Variants in TRMT11 observed in about 807,000 individuals in gnomAD.
TRMT11 encodes tRNA methyltransferase 11.
A neutral mutation model predicts 62.8 loss-of-function variants in TRMT11; 53 were observed. The ratio of observed to expected loss-of-function variants is 0.84; its 90% CI spans 0.68 to 1.06. The LOEUF is 1.06. TRMT11 is among the 50% of genes least tolerant of loss of function. TRMT11 has a pLI of 0.00. For synonymous variants in TRMT11, 188 were observed against 190.3 expected, an observed-to-expected ratio of 0.99 and a Z score of 0.10; for missense variants, 556 against 553.4, an observed-to-expected ratio of 1.00 and a Z score of -0.05.
At chr6:126,171,401 G>A (rs1035646086) in intron 21 of TRMT11, among the ~76,000 whole-genome samples, 4 of 151,980 alleles carry the variant, frequency 2.6e-5, no homozygotes, top group African/African-American at 4.8e-5. Context: ...CAGTGGGATG[G>A]TTTTATTTCA....
the TRMT11 span, among the ~76,000 whole-genome samples, chr6:126,237,466 G>T: frequency 1.3e-5 from 2 of 152,134 alleles, no homozygotes; most frequent in Non-Finnish European, 2.9e-5. Flanking sequence ...GATTGCTTAA[G>T]CTCAGGAGTT....
the TRMT11 span, among the ~76,000 whole-genome samples, chr6:126,220,536 A>G: frequency 2.6e-5 from 4 of 152,222 alleles, no homozygotes; most frequent in Non-Finnish European, 5.9e-5. Flanking sequence ...TGCTATATCC[A>G]GAGTTTCACG....
chr6:126,050,538 A>T (rs1010523408), intron 16 of TRMT11, among the ~76,000 whole-genome samples: 1 of 152,028 alleles, frequency 6.6e-6, no homozygotes, highest in African/African-American at 2.4e-5. Flanking sequence ...CCCTGTAATT[A>T]CAAAAATAAA....
chr6:125,991,011 C>T (rs1379964147), intron 1 of TRMT11, among the ~76,000 whole-genome samples: 1 of 151,948 alleles, frequency 6.6e-6, no homozygotes, highest in East Asian at 1.9e-4. Context: ...CTTTGGGAGG[C>T]TGAGGCGGGC....
At chr6:126,108,058 C>T (rs1777484225) in intron 17 of TRMT11, among the ~76,000 whole-genome samples, 1 of 152,156 alleles carries the variant, frequency 6.6e-6, no homozygotes, top group Admixed American at 6.5e-5. Context: ...GAAAGTAACA[C>T]ATGTTTTTGT....
chr6:126,041,770 A>G (rs1272601193), downstream of TRMT11, among the ~76,000 whole-genome samples: 1 of 152,152 alleles, frequency 6.6e-6, no homozygotes, highest in African/African-American at 2.4e-5. Context: ...GCAATTGATG[A>G]CCTTATTGTT....
At chr6:126,267,262 A>G in the TRMT11 span, among the ~76,000 whole-genome samples, 2 of 152,176 alleles carry the variant, frequency 1.3e-5, no homozygotes, top group Non-Finnish European at 2.9e-5. Flanking sequence ...AAATGATTTA[A>G]TGTACATGTG....
At chr6:126,235,509 A>C in the TRMT11 span, among the ~76,000 whole-genome samples, 2 of 152,364 alleles carry the variant, frequency 1.3e-5, no homozygotes, top group African/African-American at 4.8e-5. Flanking sequence ...TACACCATGG[A>C]ATACTATGCA....
intron 17 of TRMT11, among the ~76,000 whole-genome samples, chr6:126,093,404 C>G (rs1027938016): frequency 6.6e-6 from 1 of 150,498 alleles, no homozygotes; most frequent in African/African-American, 2.4e-5. Context: ...GGTAAATTGA[C>G]TATAACAATA....
chr6:126,137,562 G>T (rs973225525), intron 21 of TRMT11, among the ~76,000 whole-genome samples: 6 of 151,700 alleles, frequency 4.0e-5, no homozygotes, highest in Non-Finnish European at 5.9e-5. Context: ...ACAGTAGGAG[G>T]TTCCTCAGAA....
rs780075934 is a variant in TRMT11, at chr6:125,998,222, G to A, written c.295-1G>A. The A allele has an allele frequency of 8.1e-5, 130 of 1,599,238 alleles. No individual in the cohort carries two copies. Among genetic ancestry groups the A allele is most frequent in the Non-Finnish European group, 1.1e-4 (126 of 1,167,526 alleles). On this transcript the variant is annotated splice_acceptor_variant, in intron 4 of 12. Coordinates refer to ENST00000334379, the MANE Select transcript of TRMT11 (RefSeq NM_001031712.3). LOFTEE classifies it high-confidence loss of function. ...AAAAAACTGATTTCCTTTTATTTTA[G>A]GTTCCATTTCTACATTCGGACTCTA...
chr6:126,086,597 C>T (rs1777219248), intron 17 of TRMT11, among the ~76,000 whole-genome samples: 1 of 152,162 alleles, frequency 6.6e-6, no homozygotes, highest in Non-Finnish European at 1.5e-5. Context: ...CAAATCACAA[C>T]CTAGGTAAGT....
intron 12 of TRMT11, among the ~76,000 whole-genome samples, chr6:126,035,186 G>A (rs886634817): frequency 6.6e-6 from 1 of 152,094 alleles, no homozygotes; most frequent in Non-Finnish European, 1.5e-5. Flanking sequence ...GTATTTATAT[G>A]TATGATTATA....
chr6:126,102,809 A>C (rs1463662337), intron 17 of TRMT11, among the ~76,000 whole-genome samples: 1 of 152,212 alleles, frequency 6.6e-6, no homozygotes, highest in African/African-American at 2.4e-5. Flanking sequence ...TCAGGTTCTT[A>C]CTGTGCTAAG....
At chr6:126,093,631 A>ATATATATATATTTTTTTTTT (rs1554236842) in intron 17 of TRMT11, among the ~76,000 whole-genome samples, 2 of 98,016 alleles carry the variant, frequency 2.0e-5, no homozygotes, top group African/African-American at 4.4e-5. Flanking sequence ...ATATATATAT[A>ATATATATATATTTTTTTTTT]TTTTCCCCCA....
intron 12 of TRMT11, among the ~76,000 whole-genome samples, chr6:126,027,430 T>C (rs1243189046): frequency 6.6e-6 from 1 of 152,196 alleles, no homozygotes; most frequent in Non-Finnish European, 1.5e-5. Flanking sequence ...TACTCTATAA[T>C]AGATACATGA....
intron 17 of TRMT11, among the ~76,000 whole-genome samples, chr6:126,089,191 G>A (rs760711133): frequency 6.6e-6 from 1 of 150,798 alleles, no homozygotes; most frequent in Non-Finnish European, 1.5e-5. Context: ...TTGGCTCACT[G>A]CAACTTCCAT....
At chr6:126,014,440 G>A (rs890711245) in intron 11 of TRMT11, among the ~76,000 whole-genome samples, 8 of 152,022 alleles carry the variant, frequency 5.3e-5, no homozygotes, top group African/African-American at 1.7e-4. Context: ...TAATAGAGAC[G>A]AGGTTTCACT....
chr6:126,123,617 A>G (rs929238161), intron 21 of TRMT11, among the ~76,000 whole-genome samples: 7 of 151,988 alleles, frequency 4.6e-5, no homozygotes, highest in African/African-American at 1.7e-4. Context: ...TCCTACCTCT[A>G]TTTGCAACAT....
Sources: gnomAD v4.1 joint callset for allele counts (sites outside exome capture counted in the v4.1 genomes callset) on GRCh38, gnomAD v4.1.1 for gene constraint, MANE v1.5 for transcripts, NCBI Gene and HGNC (gene_info 2026-07-23, HGNC 2026-07-21) for gene names.